The following PTPRT variants were observed in gnomAD, a reference collection of about 807,000 sequenced individuals.
PTPRT encodes the protein receptor-type tyrosine-protein phosphatase T.
Under a neutral mutation model 176.8 loss-of-function variants are expected in PTPRT, and 56 were observed. The ratio of observed to expected loss-of-function variants is 0.32; its 90% CI spans 0.26 to 0.40. The LOEUF (loss-of-function observed/expected upper bound fraction) is 0.40, where lower values mean the gene tolerates loss of function less well. PTPRT is among the 10% of genes least tolerant of loss of function. The pLI is 1.00. For synonymous variants in PTPRT, 783 were observed against 739.0 expected, an observed-to-expected ratio of 1.06 and a Z score of -0.96; for missense variants, 1,540 against 1,908.2, an observed-to-expected ratio of 0.81 and a Z score of 3.60.
chr20:42,718,014 T>C (rs2076251230), intron 6 of PTPRT, among the ~76,000 whole-genome samples: 1 of 152,226 alleles, frequency 6.6e-6, no homozygotes, highest in South Asian at 2.1e-4. Context: ...AACACCAATA[T>C]GCAATCTGTC....
intron 1 of PTPRT, among the ~76,000 whole-genome samples, chr20:42,915,798 C>G (rs1020307260): frequency 6.6e-6 from 1 of 151,678 alleles, no homozygotes; most frequent in East Asian, 2.0e-4. Flanking sequence ...AGGGTTTTGC[C>G]ATGTTGCCCA....
chr20:42,662,068 G>A (rs1230697393), intron 7 of PTPRT, among the ~76,000 whole-genome samples: 1 of 152,110 alleles, frequency 6.6e-6, no homozygotes, highest in Non-Finnish European at 1.5e-5. Flanking sequence ...GGATTTTTGG[G>A]GTTTAATGGT....
chr20:43,162,335 C>T, intron 1 of PTPRT, among the ~76,000 whole-genome samples: 1 of 152,156 alleles, frequency 6.6e-6, no homozygotes, highest in Admixed American at 6.5e-5. Flanking sequence ...CTCAGAACAA[C>T]CTTATAACGC....
chr20:42,992,232 G>T (rs1184666477), intron 1 of PTPRT, among the ~76,000 whole-genome samples: 1 of 152,192 alleles, frequency 6.6e-6, no homozygotes, highest in Non-Finnish European at 1.5e-5. Flanking sequence ...GATGTCATGA[G>T]AGAAAGAACT....
chr20:42,379,809 T>A (rs2058682777), intron 9 of PTPRT, among the ~76,000 whole-genome samples: 1 of 152,238 alleles, frequency 6.6e-6, no homozygotes, highest in African/African-American at 2.4e-5. Flanking sequence ...AGTGCCCCCA[T>A]GCTTTCCTCC....
the PTPRT span, among the ~76,000 whole-genome samples, chr20:42,063,076 T>G: frequency 3.9e-5 from 6 of 152,192 alleles, no homozygotes; most frequent in Admixed American, 2.6e-4. Context: ...GAGACCTGGA[T>G]TTTAGTCATA....
intron 1 of PTPRT, among the ~76,000 whole-genome samples, chr20:42,972,283 A>G (rs1982690482): frequency 6.6e-6 from 1 of 151,232 alleles, no homozygotes. Context: ...AGAAGTTGGA[A>G]AGTAATGGCT....
At chr20:42,984,992 C>A (rs770268960) in intron 1 of PTPRT, among the ~76,000 whole-genome samples, 1 of 152,148 alleles carries the variant, frequency 6.6e-6, no homozygotes, top group Non-Finnish European at 1.5e-5. Context: ...GGTAAGACAG[C>A]AGGCAATTCA....
intron 5 of PTPRT, among the ~76,000 whole-genome samples, chr20:42,769,113 G>A (rs1401168708): frequency 6.6e-6 from 1 of 152,206 alleles, no homozygotes; most frequent in Non-Finnish European, 1.5e-5. Flanking sequence ...AGGTGACGTG[G>A]AGGTTTCTTA....
chr20:42,151,722 C>T (rs1311122190), intron 17 of PTPRT, among the ~76,000 whole-genome samples: 1 of 152,190 alleles, frequency 6.6e-6, no homozygotes, highest in African/African-American at 2.4e-5. Flanking sequence ...GGAATCGCCA[C>T]ACTGTCTTTC....
intron 7 of PTPRT, among the ~76,000 whole-genome samples, chr20:42,648,820 G>GTTT (rs68036487): frequency 2.7e-5 from 3 of 111,836 alleles, no homozygotes; most frequent in African/African-American, 1.1e-4. Context: ...TGGTGTCGTT[G>GTTT]TTTTTTTTTT....
intron 16 of PTPRT, among the ~76,000 whole-genome samples, chr20:42,187,715 C>A (rs1238950639): frequency 6.6e-6 from 1 of 152,216 alleles, no homozygotes; most frequent in Non-Finnish European, 1.5e-5. Context: ...TCTAATCCAT[C>A]AGCTCCTTCA....
At chr20:42,761,630 T>A (rs2076917428) in intron 5 of PTPRT, among the ~76,000 whole-genome samples, 1 of 152,204 alleles carries the variant, frequency 6.6e-6, no homozygotes, top group Admixed American at 6.5e-5. Context: ...ATAAGGAAAC[T>A]GAGGCAGAGA....
chr20:42,673,341 A>G (rs1260442037), intron 7 of PTPRT, among the ~76,000 whole-genome samples: 2 of 152,190 alleles, frequency 1.3e-5, no homozygotes, highest in African/African-American at 4.8e-5. Flanking sequence ...GTATGAAATG[A>G]CATCACTCAG....
chr20:42,095,967 T>A (rs948794371), intron 27 of PTPRT, among the ~76,000 whole-genome samples: 2 of 152,208 alleles, frequency 1.3e-5, no homozygotes, highest in African/African-American at 2.4e-5. Flanking sequence ...CTGACTTTCA[T>A]ATTTTCCCCA....
At chr20:42,645,802 G>GTGTGTA (rs2074882375) in intron 7 of PTPRT, among the ~76,000 whole-genome samples, 1 of 149,796 alleles carries the variant, frequency 6.7e-6, no homozygotes, top group Admixed American at 6.7e-5. Context: ...GTGTGTGTGT[G>GTGTGTA]TAGGGAGGGG....
At chr20:42,095,894 C>T (rs546105062) in intron 27 of PTPRT, among the ~76,000 whole-genome samples, 1 of 152,284 alleles carries the variant, frequency 6.6e-6, no homozygotes, top group Admixed American at 6.5e-5. Context: ...ACAGGCACAT[C>T]CCAAGGTGCA....
At chr20:42,224,674 T>G (rs1449504247) in intron 15 of PTPRT, among the ~76,000 whole-genome samples, 1 of 152,214 alleles carries the variant, frequency 6.6e-6, no homozygotes, top group Non-Finnish European at 1.5e-5. Flanking sequence ...TTAAAATGTC[T>G]AGGCACTACC....
intron 1 of PTPRT, among the ~76,000 whole-genome samples, chr20:43,103,424 C>A (rs971300389): frequency 3.3e-5 from 5 of 152,176 alleles, no homozygotes; most frequent in Non-Finnish European, 5.9e-5. Flanking sequence ...CGTGGTGTTA[C>A]AAGAGATGCA....
Sources: allele counts gnomAD v4.1 joint callset (sites outside exome capture counted in the v4.1 genomes callset), GRCh38; gene constraint gnomAD v4.1.1; transcripts MANE v1.5; gene names NCBI Gene and HGNC (gene_info 2026-07-23, HGNC 2026-07-21).